Variants in TRPM3 observed in about 807,000 individuals in gnomAD.
TRPM3 encodes long transient receptor potential channel 3.
In TRPM3, 77 loss-of-function variants were observed where a neutral mutation model predicts 181.2. The observed-to-expected ratio is 0.42, with a 90% confidence interval of 0.35 to 0.51. The LOEUF (loss-of-function observed/expected upper bound fraction) is 0.51, where lower values mean the gene tolerates loss of function less well. Ranked by LOEUF, TRPM3 falls within the 20% of genes least tolerant of loss-of-function variation. The pLI, the probability that TRPM3 is intolerant of heterozygous loss-of-function variation, is 0.01. For synonymous variants in TRPM3, 745 were observed against 796.4 expected (o/e 0.94, Z 1.09); for missense variants, 1,759 against 2,196.7 (o/e 0.80, Z 3.98).
At chr9:70,647,174 T>C (rs948809758) in intron 9 of TRPM3, among the ~76,000 whole-genome samples, 5 of 152,104 alleles carry the variant, frequency 3.3e-5, no homozygotes, top group Admixed American at 6.6e-5. Flanking sequence ...GGAATGATGC[T>C]TCCTTAACTC....
chr9:70,864,282 T>C (rs932053356), intron 2 of TRPM3, 150 bp downstream of exon 2: 3 of 497,816 alleles, frequency 6.0e-6, no homozygotes, highest in African/African-American at 4.0e-5. Flanking sequence ...ATATAGTGTG[T>C]ATAAATAAGA....
chr9:71,312,783 G>C (rs1384010903), intron 1 of TRPM3, among the ~76,000 whole-genome samples: 18 of 152,078 alleles, frequency 1.2e-4, no homozygotes, highest in Non-Finnish European at 7.4e-5. Flanking sequence ...ATTATTGAGA[G>C]TAACCAATCT....
chr9:71,205,812 G>C (rs1587948442), intron 1 of TRPM3, among the ~76,000 whole-genome samples: 1 of 152,156 alleles, frequency 6.6e-6, no homozygotes. Context: ...ATCAGAATGA[G>C]CAAATTGAAC....
chr9:70,896,037 TA>T (rs1476039822), intron 1 of TRPM3, among the ~76,000 whole-genome samples: 2 of 151,866 alleles, frequency 1.3e-5, no homozygotes, highest in African/African-American at 4.8e-5. Flanking sequence ...AAAAAGAAAC[TA>T]AAAATATATA....
intron 1 of TRPM3, among the ~76,000 whole-genome samples, chr9:71,271,940 G>A (rs1012959770): frequency 8.5e-5 from 13 of 152,116 alleles, no homozygotes; most frequent in East Asian, 3.9e-4. Context: ...CTAGTGGCTC[G>A]TCTTACTTCT....
At chr9:70,877,804 A>AACACAC (rs5898169) in intron 1 of TRPM3, among the ~76,000 whole-genome samples, 3,065 of 146,180 alleles carry the variant, frequency 0.021, 92 homozygotes, top group African/African-American at 0.064. Context: ...AAAATCATAA[A>AACACAC]ACACACACAC....
At position 71,401,197 on chromosome 9, in the gene TRPM3, C is replaced by CAAAA. The variant is rs59425467; in HGVS notation, c.183+45452_183+45455dup. ...TAAGGGTCAAAGTGAGACACCATCG[C>CAAAA]AAAAAAAAAAAAAAAAAAAGAATCT... is the stretch of plus-strand genomic sequence containing the variant. On this transcript the variant is annotated intron_variant, in intron 1 of 24. Transcript: ENST00000357533. 1.9e-3 allele frequency among the ~76,000 whole-genome samples: 204 copies of CAAAA among 105,732 alleles called. 2 individuals carry two copies. Among genetic ancestry groups the CAAAA allele is most frequent in the African/African-American group, 6.9e-3 (174 of 25,244 alleles). 69.4% of individuals were successfully genotyped at this position (105,732 alleles called of 152,430 possible). A position where few individuals can be genotyped will look rare whatever the true frequency, so the allele number is the denominator to read the frequency against.
chr9:70,661,891 C>T (rs186545523), intron 9 of TRPM3, among the ~76,000 whole-genome samples: 59 of 152,132 alleles, frequency 3.9e-4, no homozygotes, highest in Middle Eastern at 3.4e-3. Flanking sequence ...CATCAAAATA[C>T]CATAATTCTT....
At chr9:70,607,986 G>C (rs2061451198) in intron 19 of TRPM3, among the ~76,000 whole-genome samples, 1 of 152,164 alleles carries the variant, frequency 6.6e-6, no homozygotes, top group African/African-American at 2.4e-5. Context: ...AGTTTTCTCT[G>C]TACATTGTGA....
At chr9:71,025,505 A>G (rs2097887671) in intron 1 of TRPM3, among the ~76,000 whole-genome samples, 1 of 152,206 alleles carries the variant, frequency 6.6e-6, no homozygotes, top group Admixed American at 6.5e-5. Context: ...ATGAACTATA[A>G]TATGATCTCT....
chr9:70,625,071 A>T lies in TRPM3; in HGVS notation c.1809+120T>A. 27 of 929,254 alleles carry T rather than the reference A, an allele frequency of 2.9e-5. No individual in the cohort carries two copies. Among genetic ancestry groups the T allele is most frequent in the Non-Finnish European group, 3.9e-5 (25 of 639,432 alleles). The allele number at this position is 929,254 out of a possible 1,614,324, so 57.6% of individuals were successfully genotyped here. On this transcript the variant is annotated intron_variant, in intron 14 of 25. Coordinates refer to ENST00000677713, the MANE Select transcript of TRPM3 (RefSeq NM_001366145.2). This position sits in a 1 kb window ranked among gnomAD's most constrained non-coding sequence, Gnocchi z 4.8. Reference sequence around the variant, plus strand: ...TTTCATTACTTTTCTTTGATTGTTTAGGTTCACTCTCAGCGCAATTTTCTG... The same window carrying T: ...TTTCATTACTTTTCTTTGATTGTTTTGGTTCACTCTCAGCGCAATTTTCTG...
In TRPM3 at chr9:71,002,685, G is replaced by A. The variant is rs543626477; in HGVS notation, c.177+118493C>T. Among the ~76,000 whole-genome samples the A allele has an allele frequency of 6.6e-5, 10 of 151,990 alleles. 1 individual carries two copies. Among genetic ancestry groups the A allele is most frequent in the Admixed American group, 2.0e-4 (3 of 15,274 alleles). ...TATTATTTTTAACATTATTGAAATC[G>A]AAATCCAAATTCTAATGAATTATAA... On this transcript the variant is annotated intron_variant, in intron 1 of 25. Coordinates refer to ENST00000677713, the MANE Select transcript of TRPM3 (RefSeq NM_001366145.2).
intron 1 of TRPM3, among the ~76,000 whole-genome samples, chr9:71,131,997 T>C (rs2074401930): frequency 6.6e-6 from 1 of 152,202 alleles, no homozygotes; most frequent in Non-Finnish European, 1.5e-5. Context: ...AAGGCAACTC[T>C]CTATTTTACG....
chr9:70,917,349 C>G, intron 1 of TRPM3: 1 of 1,104,832 alleles, frequency 9.1e-7, no homozygotes, highest in Admixed American at 1.7e-5. Context: ...GGAGATACTC[C>G]CAAGTCCAAG....
rs1363004227 is a variant in TRPM3, at chr9:71,021,240, A to C, written c.177+99938T>G. On this transcript the variant is annotated intron_variant, in intron 1 of 25. Transcript: ENST00000677713. Reference sequence around the variant, plus strand: ...TTTGGGAAAGAACAAGTGGTGACTGAGGTAGTACATATGAGATTTTGGGAG... The same window carrying C: ...TTTGGGAAAGAACAAGTGGTGACTGCGGTAGTACATATGAGATTTTGGGAG... Among the ~76,000 whole-genome samples the C allele has an allele frequency of 2.6e-5, 4 of 152,320 alleles. No individual in the cohort carries two copies. In the East Asian group the frequency reaches 7.7e-4, roughly 29 times the overall value.
At chr9:71,058,487 G>T (rs915547291) in intron 1 of TRPM3, among the ~76,000 whole-genome samples, 9 of 152,056 alleles carry the variant, frequency 5.9e-5, no homozygotes, top group African/African-American at 2.2e-4. Flanking sequence ...TTCAGAAATG[G>T]AGAGTAGGAC....
At chr9:70,749,217 TG>T in intron 8 of TRPM3, among the ~76,000 whole-genome samples, 1 of 152,276 alleles carries the variant, frequency 6.6e-6, no homozygotes. Flanking sequence ...TTGTGTATCC[TG>T]AATTGATGTA....
intron 1 of TRPM3, among the ~76,000 whole-genome samples, chr9:70,899,469 G>T (rs974981259): frequency 2.6e-5 from 4 of 151,888 alleles, no homozygotes; most frequent in Middle Eastern, 3.2e-3. Flanking sequence ...TCTTACACTT[G>T]AGCTACAGGA....
intron 1 of TRPM3, among the ~76,000 whole-genome samples, chr9:71,354,324 ACT>A (rs2091803870): frequency 6.6e-6 from 1 of 151,752 alleles, no homozygotes; most frequent in Non-Finnish European, 1.5e-5. Flanking sequence ...CTTATCAATG[ACT>A]CTATTTTGTG....
Sources: allele counts gnomAD v4.1 joint callset (sites outside exome capture counted in the v4.1 genomes callset), GRCh38; gene constraint gnomAD v4.1.1; non-coding constraint Gnocchi (gnomAD v3.1); transcripts MANE v1.5; gene names NCBI Gene and HGNC (gene_info 2026-07-23, HGNC 2026-07-21).